RBFOX1: variants seen among roughly 807,000 people sequenced by gnomAD.
The protein encoded by RBFOX1 is RNA binding protein fox-1 homolog 1.
Under a neutral mutation model 57.7 loss-of-function variants are expected in RBFOX1, and 8 were observed. That is an observed-to-expected ratio of 0.14 (90% CI 0.08 to 0.25). RBFOX1 has a LOEUF of 0.25. Ranked by LOEUF, RBFOX1 falls within the 10% of genes least tolerant of loss-of-function variation. The pLI is 1.00. For synonymous variants in RBFOX1, 326 were observed against 222.4 expected, an observed-to-expected ratio of 1.47 and a Z score of -4.15; for missense variants, 611 against 548.5, an observed-to-expected ratio of 1.11 and a Z score of -1.14.
At chr16:7,079,284 A>C (rs761169425) in intron 4 of RBFOX1, among the ~76,000 whole-genome samples, 1 of 152,130 alleles carries the variant, frequency 6.6e-6, no homozygotes, top group Non-Finnish European at 1.5e-5. Context: ...GGAGCTTGCA[A>C]ACTGAGGGTT....
At chr16:6,228,840 A>T (rs77198438) in intron 1 of RBFOX1, among the ~76,000 whole-genome samples, 2,822 of 152,306 alleles carry the variant, frequency 0.019, 55 homozygotes, top group African/African-American at 0.055. Context: ...AATAATGTAT[A>T]TATTAGCCTG....
At chr16:5,681,282 C>T (rs1271212088) in intron 3 of RBFOX1, among the ~76,000 whole-genome samples, 3 of 144,832 alleles carry the variant, frequency 2.1e-5, no homozygotes, top group Admixed American at 7.1e-5. Context: ...GACGGGGTTT[C>T]ACCATGTTAG....
chr16:5,772,429 C>G lies in RBFOX1; in HGVS notation c.319-94874C>G, dbSNP rs564872272. ...CAGAGATTTTAGGCCCAAGGATCTT[C>G]CTGCTTAGATCCTCAGGTACCTCTT... is the stretch of plus-strand genomic sequence containing the variant. On this transcript the variant is annotated intron_variant, in intron 3 of 19. Transcript: ENST00000641259. Among the ~76,000 whole-genome samples the G allele has an allele frequency of 5.3e-5, 8 of 152,302 alleles. No homozygotes were observed. In the East Asian group the frequency reaches 1.5e-3, roughly 29 times the overall value.
chr16:7,029,073 T>TACAC, intron 3 of RBFOX1, among the ~76,000 whole-genome samples: 1 of 45,620 alleles, frequency 2.2e-5, no homozygotes, highest in South Asian at 8.9e-4. Flanking sequence ...TATATATATA[T>TACAC]ATATATATAC....
intron 3 of RBFOX1, among the ~76,000 whole-genome samples, chr16:6,915,066 C>T (rs997871114): frequency 1.3e-5 from 2 of 152,222 alleles, no homozygotes; most frequent in African/African-American, 2.4e-5. Flanking sequence ...GAACATTCCT[C>T]AGTTGACTAA....
chr16:6,228,845 A>C (rs1472832728), intron 1 of RBFOX1, among the ~76,000 whole-genome samples: 1 of 152,222 alleles, frequency 6.6e-6, no homozygotes, highest in Non-Finnish European at 1.5e-5. Flanking sequence ...TGTATATATT[A>C]GCCTGATTTA....
chr16:6,405,392 G>T (rs1452349076), intron 2 of RBFOX1, among the ~76,000 whole-genome samples: 2 of 152,202 alleles, frequency 1.3e-5, no homozygotes. Flanking sequence ...CCAGTGTTGG[G>T]CATTGGGAAG....
At chr16:5,241,193 C>G (rs2062158623) in intron 1 of RBFOX1, among the ~76,000 whole-genome samples, 1 of 152,152 alleles carries the variant, frequency 6.6e-6, no homozygotes, top group African/African-American at 2.4e-5. Context: ...CTCCCGGATG[C>G]TGTGTGGGAG....
At chr16:7,538,260 T>C (rs1364439542) in intron 5 of RBFOX1, among the ~76,000 whole-genome samples, 1 of 152,158 alleles carries the variant, frequency 6.6e-6, no homozygotes, top group African/African-American at 2.4e-5. Flanking sequence ...CCTTCCGCCA[T>C]CAATAAGATC....
chr16:6,192,896 C>T (rs1363286393), intron 1 of RBFOX1, among the ~76,000 whole-genome samples: 2 of 152,122 alleles, frequency 1.3e-5, no homozygotes. Flanking sequence ...GCTAATATTT[C>T]ATAACAGACA....
intron 3 of RBFOX1, among the ~76,000 whole-genome samples, chr16:6,773,002 ATG>A (rs138195500): frequency 0.13 from 9,815 of 73,286 alleles, 426 homozygotes; most frequent in Admixed American, 0.2. Flanking sequence ...TGGGGTGCAT[ATG>A]TGTGTGTGTG....
chr16:6,841,564 T>C (rs957367751), intron 3 of RBFOX1, among the ~76,000 whole-genome samples: 1 of 152,164 alleles, frequency 6.6e-6, no homozygotes, highest in Non-Finnish European at 1.5e-5. Context: ...CCACAGGCCC[T>C]TTCTCCTACG....
At chr16:5,935,364 G>T (rs1407385856) in intron 4 of RBFOX1, among the ~76,000 whole-genome samples, 1 of 152,206 alleles carries the variant, frequency 6.6e-6, no homozygotes, top group South Asian at 2.1e-4. Context: ...GAGGGTGGAA[G>T]GAGGACCATG....
intron 2 of RBFOX1, among the ~76,000 whole-genome samples, chr16:5,580,049 G>A (rs1224713258): frequency 1.3e-5 from 2 of 152,184 alleles, no homozygotes; most frequent in African/African-American, 4.8e-5. Flanking sequence ...GGGATTACAG[G>A]TGTGAGCCAC....
chr16:6,354,299 G>A (rs1441878103), intron 2 of RBFOX1, among the ~76,000 whole-genome samples: 1 of 152,046 alleles, frequency 6.6e-6, no homozygotes, highest in African/African-American at 2.4e-5. Flanking sequence ...GTTTCAGAGA[G>A]CTTTTGGCTT....
chr16:6,192,248 C>G (rs2097146572), intron 1 of RBFOX1, among the ~76,000 whole-genome samples: 1 of 152,126 alleles, frequency 6.6e-6, no homozygotes, highest in African/African-American at 2.4e-5. Context: ...GGAGGGCATT[C>G]TACCCTATTA....
intron 2 of RBFOX1, among the ~76,000 whole-genome samples, chr16:6,494,188 G>A (rs1046440875): frequency 7.2e-5 from 11 of 152,142 alleles, no homozygotes; most frequent in African/African-American, 2.7e-4. Context: ...CGAGGATACT[G>A]GCATGGCTGC....
intron 2 of RBFOX1, among the ~76,000 whole-genome samples, chr16:6,605,739 G>T (rs1039536762): frequency 6.6e-6 from 1 of 152,202 alleles, no homozygotes; most frequent in Non-Finnish European, 1.5e-5. Context: ...TTCAGTCCGT[G>T]TGTTCGTGGA....
chr16:6,758,496 G>T (rs144534406), intron 3 of RBFOX1, among the ~76,000 whole-genome samples: 1 of 152,076 alleles, frequency 6.6e-6, no homozygotes, highest in African/African-American at 2.4e-5. Context: ...ATTAATTGAC[G>T]TGAGAGTCCA....
Sources: allele counts gnomAD v4.1 joint callset (sites outside exome capture counted in the v4.1 genomes callset), GRCh38; gene constraint gnomAD v4.1.1; transcripts MANE v1.5; gene names NCBI Gene and HGNC (gene_info 2026-07-23, HGNC 2026-07-21).